The following ENOX2 variants were observed in gnomAD, a reference collection of about 807,000 sequenced individuals.
The protein encoded by ENOX2 is ecto-NOX disulfide-thiol exchanger 2.
In ENOX2, 36 loss-of-function variants were observed where a neutral mutation model predicts 45.0. The ratio of observed to expected loss-of-function variants is 0.80; its 90% CI spans 0.61 to 1.06. The LOEUF is 1.06. Ranked by LOEUF, ENOX2 falls within the 50% of genes least tolerant of loss-of-function variation. ENOX2 has a pLI of 0.00. For missense variants in ENOX2, 423 were observed against 462.5 expected (o/e 0.91, Z 0.78); for synonymous variants, 174 against 152.3 (o/e 1.14, Z -1.05).
chrX:130,690,615 C>T (rs2037567076), intron 4 of ENOX2, among the ~76,000 whole-genome samples: 1 of 112,074 alleles, frequency 8.9e-6, no homozygotes, highest in Admixed American at 9.4e-5. Flanking sequence ...CCAAAGACTT[C>T]ACCATGTTCA....
Position 130,625,256 on chromosome X carries a change from T to C in ENOX2, c.*58A>G, listed in dbSNP as rs754313461. The C allele has an allele frequency of 1.7e-6, 2 of 1,143,386 alleles. No individual in the cohort carries two copies. Among genetic ancestry groups the C allele is most frequent in the East Asian group, 3.0e-5 (1 of 32,979 alleles). The allele number at this position is 1,143,386 out of a possible 1,213,427, so 94.2% of individuals were successfully genotyped here. A position where few individuals can be genotyped will look rare whatever the true frequency, so the allele number is the denominator to read the frequency against. ...AAACCATTAAAAATATAAATCACTT[T>C]CTATGCTTGTCCAACACATATTTAT... On this transcript the variant is annotated 3_prime_UTR_variant, in exon 15 of 15. Coordinates refer to ENST00000394363, the MANE Select transcript of ENOX2 (RefSeq NM_006375.4).
At chrX:130,710,963 G>T (rs1256565447) in intron 3 of ENOX2, among the ~76,000 whole-genome samples, 1 of 112,167 alleles carries the variant, frequency 8.9e-6, no homozygotes, top group African/African-American at 3.2e-5. Flanking sequence ...GAGAAAGGAA[G>T]TTTAGAAAAT....
intron 2 of ENOX2, among the ~76,000 whole-genome samples, chrX:130,819,608 G>A (rs773736433): frequency 6.3e-5 from 7 of 111,607 alleles, no homozygotes; most frequent in African/African-American, 1.6e-4. Flanking sequence ...ATCCTTCTCC[G>A]CAAACTAACA....
intron 3 of ENOX2, among the ~76,000 whole-genome samples, chrX:130,752,536 C>T (rs987420866): frequency 2.7e-5 from 3 of 110,756 alleles, no homozygotes; most frequent in Admixed American, 1.9e-4. Flanking sequence ...CTCTCAATCA[C>T]TGTCTCAGTG....
At chrX:130,706,262 A>T (rs1453255257) in intron 3 of ENOX2, among the ~76,000 whole-genome samples, 1 of 112,210 alleles carries the variant, frequency 8.9e-6, no homozygotes, top group African/African-American at 3.2e-5. Flanking sequence ...AAATTATTAT[A>T]ATAAGTACTG....
intron 5 of ENOX2, among the ~76,000 whole-genome samples, chrX:130,684,435 C>T (rs1425081968): frequency 3.6e-5 from 4 of 112,124 alleles, no homozygotes; most frequent in Non-Finnish European, 5.6e-5. Context: ...GATGTAGACA[C>T]ACCCAGAATA....
intron 3 of ENOX2, among the ~76,000 whole-genome samples, chrX:130,722,346 T>C (rs1284962854): frequency 7.1e-5 from 8 of 112,316 alleles, no homozygotes; most frequent in Non-Finnish European, 7.5e-5. Context: ...TATTCTGACA[T>C]GAGCAGCTTG....
chrX:130,824,350 G>T, intron 2 of ENOX2, among the ~76,000 whole-genome samples: 1 of 111,435 alleles, frequency 9.0e-6, no homozygotes, highest in Non-Finnish European at 1.9e-5. Context: ...TTCTTCAAGG[G>T]TCTACTGAAG....
At chrX:130,645,704 G>A in intron 10 of ENOX2, 4 of 653,681 alleles carry the variant, frequency 6.1e-6, no homozygotes, top group Non-Finnish European at 9.2e-6. Flanking sequence ...CAGCAGCCGC[G>A]CCCCACATCC....
At chrX:130,711,575 A>T (rs1286682452) in intron 3 of ENOX2, among the ~76,000 whole-genome samples, 2 of 111,384 alleles carry the variant, frequency 1.8e-5, no homozygotes, top group East Asian at 5.6e-4. Context: ...AGGCAAAGGG[A>T]GGCAAGGGAA....
In ENOX2 at chrX:130,891,496, T is replaced by G. The variant is rs112460672; in HGVS notation, c.-183+10188A>C. ...CACAATACAACACTATATGGTTTTT[T>G]TTTTTTTTTTTTTTTTTTTTTTGAG... On this transcript the variant is annotated intron_variant, in intron 2 of 14. Transcript: ENST00000394363. Among the ~76,000 whole-genome samples, 323 of 88,622 alleles carry G rather than the reference T, an allele frequency of 3.6e-3. 1 individual carries two copies. Among genetic ancestry groups the G allele is most frequent in the African/African-American group, 0.013 (292 of 22,279 alleles). The allele number at this position is 88,622 out of a possible 115,157, so 77.0% of individuals were successfully genotyped here. A position where few individuals can be genotyped will look rare whatever the true frequency, so the allele number is the denominator to read the frequency against.
intron 3 of ENOX2, among the ~76,000 whole-genome samples, chrX:130,716,275 T>G (rs1322583152): frequency 1.8e-5 from 2 of 112,264 alleles, no homozygotes; most frequent in Non-Finnish European, 3.8e-5. Flanking sequence ...TAATTTGTAT[T>G]CTTCTCATCT....
chrX:130,743,142 G>A (rs1486724406), intron 3 of ENOX2, among the ~76,000 whole-genome samples: 6 of 111,481 alleles, frequency 5.4e-5, no homozygotes, highest in Admixed American at 9.5e-5. Flanking sequence ...CTACGAAAGC[G>A]GAACATAATA....
At chrX:130,862,643 A>G (rs1199977041) in intron 2 of ENOX2, among the ~76,000 whole-genome samples, 1 of 111,025 alleles carries the variant, frequency 9.0e-6, no homozygotes, top group African/African-American at 3.3e-5. Context: ...GAACCTAAGC[A>G]ATAGGAAAGG....
At chrX:130,816,161 A>G (rs1347180264) in intron 2 of ENOX2, among the ~76,000 whole-genome samples, 1 of 112,080 alleles carries the variant, frequency 8.9e-6, no homozygotes, top group Non-Finnish European at 1.9e-5. Flanking sequence ...AAGACCAAAA[A>G]AGACAACGAA....
chrX:130,815,503 C>T (rs2148455979), intron 2 of ENOX2, among the ~76,000 whole-genome samples: 1 of 111,984 alleles, frequency 8.9e-6, no homozygotes, highest in South Asian at 3.8e-4. Flanking sequence ...CAGAGAGAAA[C>T]GTCAGGTTAC....
intron 3 of ENOX2, among the ~76,000 whole-genome samples, chrX:130,764,329 A>T (rs1415988418): frequency 9.0e-6 from 1 of 111,111 alleles, no homozygotes; most frequent in South Asian, 3.8e-4. Context: ...AAAGGGACAT[A>T]TATAACCTAA....
At chrX:130,782,315 A>T (rs911493503) in intron 3 of ENOX2, among the ~76,000 whole-genome samples, 6 of 112,064 alleles carry the variant, frequency 5.4e-5, no homozygotes, top group Admixed American at 4.8e-4. Context: ...ATCCTAAGAC[A>T]TAGGCTTTAG....
chrX:130,853,463 CAAAAAAAAAAAAA>C (rs754949787), intron 2 of ENOX2, among the ~76,000 whole-genome samples: 1 of 27,977 alleles, frequency 3.6e-5, no homozygotes, highest in African/African-American at 1.3e-4. Flanking sequence ...GACTCCGTCT[CAAAAAAAAAAAAA>C]AAAAAAAAAA....
Sources: allele counts gnomAD v4.1 joint callset (sites outside exome capture counted in the v4.1 genomes callset), GRCh38; gene constraint gnomAD v4.1.1; transcripts MANE v1.5; gene names NCBI Gene and HGNC (gene_info 2026-07-23, HGNC 2026-07-21).